Variants in ZFAT observed in about 807,000 individuals in gnomAD.
ZFAT encodes the protein zinc finger and AT-hook domain containing, also known as zinc finger protein ZFAT.
ZFAT carries 64 observed loss-of-function variants against 117.7 expected under a neutral mutation model. The observed-to-expected ratio is 0.54, with a 90% CI of 0.44 to 0.67. The LOEUF is 0.67. Among genes scored for constraint, ZFAT ranks in the 30% least tolerant of loss-of-function variants. ZFAT has a pLI of 0.00. For missense variants in ZFAT, 1,433 were observed against 1,584.5 expected, an observed-to-expected ratio of 0.90 and a Z score of 1.62; for synonymous variants, 679 against 615.0, an observed-to-expected ratio of 1.10 and a Z score of -1.54.
At chr8:134,556,085 G>GGAAGGAAGT (rs1823601918) in intron 11 of ZFAT, among the ~76,000 whole-genome samples, 1 of 142,748 alleles carries the variant, frequency 7.0e-6, no homozygotes, top group African/African-American at 2.6e-5. Flanking sequence ...GGGAAGGAAG[G>GGAAGGAAGT]GAGGGAAAAA....
At chr8:134,815,926 T>TA in the ZFAT span, among the ~76,000 whole-genome samples, 1 of 152,254 alleles carries the variant, frequency 6.6e-6, no homozygotes, top group Non-Finnish European at 1.5e-5. Flanking sequence ...TTCCTTTCCT[T>TA]GTTTATCTTC....
chr8:134,526,834 T>C (rs1586645452), intron 12 of ZFAT, among the ~76,000 whole-genome samples: 1 of 42,708 alleles, frequency 2.3e-5, no homozygotes, highest in African/African-American at 2.7e-4. Context: ...GTTCATATTC[T>C]TTTTTTTTAT....
At chr8:134,743,878 C>T in the ZFAT span, among the ~76,000 whole-genome samples, 1,817 of 152,300 alleles carry the variant, frequency 0.012, 41 homozygotes, top group African/African-American at 0.042. Flanking sequence ...TTAAGACTGC[C>T]TTTCTTTTCT....
chr8:134,507,604 C>T (rs2315834), intron 15 of ZFAT, among the ~76,000 whole-genome samples: 4,806 of 152,272 alleles, frequency 0.032, 246 homozygotes, highest in African/African-American at 0.11. Flanking sequence ...CGACACTGGT[C>T]GTTCTGGATG....
intron 11 of ZFAT, among the ~76,000 whole-genome samples, chr8:134,538,449 G>A (rs546493759): frequency 4.5e-4 from 68 of 152,246 alleles, no homozygotes; most frequent in Middle Eastern, 3.4e-3. Context: ...AGCACAAGCT[G>A]GGCTTTGGGT....
At position 134,676,903 on chromosome 8, in the gene ZFAT, A is replaced by C. The variant is rs191639223; in HGVS notation, c.20-19166T>G. Among the ~76,000 whole-genome samples the C allele has an allele frequency of 3.7e-3, 571 of 152,336 alleles. 8 individuals are homozygous for C. The highest frequency in any genetic ancestry group is 0.013 in the African/African-American group (538 of 41,568). ...AAGATGTTCTTTGAAACCAATGAGA[A>C]CAAAGACACAACATACCAGAATCTC... On this transcript the variant is annotated intron_variant, in intron 1 of 15. Transcript: ENST00000377838.
the ZFAT span, among the ~76,000 whole-genome samples, chr8:134,731,505 G>T: frequency 2.0e-5 from 3 of 152,292 alleles, no homozygotes; most frequent in African/African-American, 7.2e-5. Flanking sequence ...TGTCATTGTA[G>T]TGCAAAAGCA....
rs752848073 is a variant in ZFAT, at chr8:134,649,165, T to TCA, written c.196+8394_196+8395dup. Among the ~76,000 whole-genome samples, 1,073 of 77,032 alleles carry TCA rather than the reference T, an allele frequency of 0.014. 6 individuals carry two copies. In the East Asian group the frequency reaches 0.15, roughly 11 times the overall value. The allele number at this position is 77,032 out of a possible 152,430, so 50.5% of individuals were successfully genotyped here. On this transcript the variant is annotated intron_variant, in intron 2 of 15. Coordinates refer to ENST00000377838, the MANE Select transcript of ZFAT (RefSeq NM_020863.4). Reference sequence around the variant, plus strand: ...TAACCTAATGAAGAACATCTATCTCTCACACACACACACACACACACACAC... The same window carrying TCA: ...TAACCTAATGAAGAACATCTATCTCTCACACACACACACACACACACACACAC...
At chr8:134,689,394 C>T (rs761676119) in intron 1 of ZFAT, among the ~76,000 whole-genome samples, 17 of 152,218 alleles carry the variant, frequency 1.1e-4, no homozygotes, top group Middle Eastern at 3.2e-3. Flanking sequence ...CTACTACCAC[C>T]GGCAGCTCAT....
intron 7 of ZFAT, chr8:134,599,091 A>G (rs1827195765): frequency 6.6e-6 from 1 of 152,254 alleles, no homozygotes; most frequent in Middle Eastern, 3.2e-3. Context: ...CGGCCATAAT[A>G]GCGTACTGGA....
intron 12 of ZFAT, among the ~76,000 whole-genome samples, chr8:134,523,483 C>T (rs1460932197): frequency 6.6e-6 from 1 of 152,220 alleles, no homozygotes; most frequent in African/African-American, 2.4e-5. Context: ...TGGGAGCAAC[C>T]AGCTCCTAAG....
At chr8:134,769,073 T>C in the ZFAT span, among the ~76,000 whole-genome samples, 1 of 152,126 alleles carries the variant, frequency 6.6e-6, no homozygotes, top group Non-Finnish European at 1.5e-5. Flanking sequence ...CTTAGGAGGC[T>C]GAGGCAGGAG....
chr8:134,597,315 T>C (rs1355214498), intron 7 of ZFAT, among the ~76,000 whole-genome samples: 2 of 152,210 alleles, frequency 1.3e-5, no homozygotes, highest in East Asian at 1.9e-4. Context: ...TAAATCATGC[T>C]ATCTTACTAT....
intron 15 of ZFAT, among the ~76,000 whole-genome samples, chr8:134,479,950 CTTT>C (rs35032412): frequency 6.5e-5 from 8 of 123,290 alleles, no homozygotes; most frequent in Admixed American, 8.2e-5. Context: ...TTCAACCACA[CTTT>C]TTTTTTTTTT....
the ZFAT span, among the ~76,000 whole-genome samples, chr8:134,799,306 C>A: frequency 6.6e-6 from 1 of 152,058 alleles, no homozygotes; most frequent in Non-Finnish European, 1.5e-5. Context: ...CAGACACTTG[C>A]CAAGCTGCTA....
chr8:134,832,239 C>A, the ZFAT span, among the ~76,000 whole-genome samples: 1 of 151,770 alleles, frequency 6.6e-6, no homozygotes, highest in South Asian at 2.1e-4. Context: ...GCGGCGGCAG[C>A]GGCTCCCTCC....
chr8:134,826,259 T>C, the ZFAT span, among the ~76,000 whole-genome samples: 1 of 152,218 alleles, frequency 6.6e-6, no homozygotes, highest in African/African-American at 2.4e-5. Context: ...CTGCTCCAAC[T>C]AGTCATTTTA....
the ZFAT span, among the ~76,000 whole-genome samples, chr8:134,813,353 G>A: frequency 6.6e-6 from 1 of 152,168 alleles, no homozygotes; most frequent in Non-Finnish European, 1.5e-5. Flanking sequence ...TTATCCTCAT[G>A]TGACCAAAGA....
At chr8:134,490,450 A>G (rs1248756815) in intron 15 of ZFAT, among the ~76,000 whole-genome samples, 1 of 152,238 alleles carries the variant, frequency 6.6e-6, no homozygotes, top group African/African-American at 2.4e-5. Context: ...CAGTTCTAGA[A>G]AAAAATGGCT....
Sources: gnomAD v4.1 joint callset for allele counts (sites outside exome capture counted in the v4.1 genomes callset) on GRCh38, gnomAD v4.1.1 for gene constraint, MANE v1.5 for transcripts, NCBI Gene and HGNC (gene_info 2026-07-23, HGNC 2026-07-21) for gene names.